PICALM: variants seen among roughly 807,000 people sequenced by gnomAD.
PICALM encodes the protein phosphatidylinositol-binding clathrin assembly protein.
In PICALM, 40 loss-of-function variants were observed where a neutral mutation model predicts 80.5. The ratio of observed to expected loss-of-function variants is 0.50; its 90% CI spans 0.39 to 0.65. The LOEUF is 0.65. Among genes scored for constraint, PICALM ranks in the 30% least tolerant of loss-of-function variants. The probability of loss-of-function intolerance (pLI) is 0.00; values close to 1 mark genes in which losing one functional copy is unlikely to be tolerated. For synonymous variants in PICALM, 288 were observed against 260.3 expected, an observed-to-expected ratio of 1.11 and a Z score of -1.02; for missense variants, 676 against 778.9, an observed-to-expected ratio of 0.87 and a Z score of 1.57.
At chr11:85,988,210 C>G (rs1302262591) in intron 13 of PICALM, among the ~76,000 whole-genome samples, 3 of 152,160 alleles carry the variant, frequency 2.0e-5, no homozygotes, top group Non-Finnish European at 4.4e-5. Flanking sequence ...TAATACAAAA[C>G]TTCAGATTCC....
chr11:86,001,044 T>C lies in PICALM; in HGVS notation c.1008A>G (p.Lys336=). The C allele has an allele frequency of 6.2e-7, 1 of 1,614,086 alleles. No individual in the cohort carries two copies. Among genetic ancestry groups the C allele is most frequent in the Non-Finnish European group, 8.5e-7 (1 of 1,179,952 alleles). Residue 336 remains lysine, a synonymous_variant, in exon 10 of 20, where the codon AAA becomes AAG. Transcript: ENST00000393346. The part of the protein sequence containing the change: ...AALEEEQARL[K]ALKEQRLKEL... ...GAATGCACAAACTTACCTTTAAAGC[T>C]TTCAAACGTGCCTGTTCTTCCTCTA...
rs192915712 is a variant in PICALM at position 86,059,417 on chromosome 11, T to C, written c.130+9234A>G. Among the ~76,000 whole-genome samples, 16 of 152,354 alleles carry C rather than the reference T, an allele frequency of 1.1e-4. No individual in the cohort carries two copies. The East Asian group carries it at 1.7e-3, about 17-fold the overall frequency. ...ACTCTATAAATGGTGAGAATAATGCTGGACTGACAGGACCAGGGGGAGTTA... is the reference window on the plus strand; with the variant it reads ...ACTCTATAAATGGTGAGAATAATGCCGGACTGACAGGACCAGGGGGAGTTA... On this transcript the variant is annotated intron_variant, in intron 1 of 19. Coordinates refer to ENST00000393346, the MANE Select transcript of PICALM (RefSeq NM_007166.4).
chr11:86,045,519 C>CAAAAAA (rs71040207), intron 1 of PICALM, among the ~76,000 whole-genome samples: 1,214 of 47,800 alleles, frequency 0.025, 138 homozygotes, highest in Non-Finnish European at 0.041. Flanking sequence ...TCTTGAAATT[C>CAAAAAA]AAAAAAAAAA....
intron 8 of PICALM, among the ~76,000 whole-genome samples, chr11:86,006,010 A>G (rs1185342999): frequency 6.6e-6 from 1 of 152,228 alleles, no homozygotes; most frequent in African/African-American, 2.4e-5. Context: ...ACACAGATAC[A>G]TGATGACGGC....
At chr11:86,037,563 GTTTT>G (rs752079070) in intron 1 of PICALM, among the ~76,000 whole-genome samples, 1 of 144,566 alleles carries the variant, frequency 6.9e-6, no homozygotes, top group Non-Finnish European at 1.5e-5. Flanking sequence ...CAGCTCCCTA[GTTTT>G]TTTTTTTTTA....
intron 19 of PICALM, 71 bp from the exon 20 acceptor site, chr11:85,959,131 T>C (rs1403588107): frequency 4.6e-6 from 5 of 1,095,256 alleles, no homozygotes; most frequent in African/African-American, 1.6e-5. Context: ...AAATGCTTTG[T>C]GGTCTTTACC....
chr11:85,990,878 A>G (rs1163430028), intron 12 of PICALM, among the ~76,000 whole-genome samples: 2 of 152,198 alleles, frequency 1.3e-5, no homozygotes, highest in Non-Finnish European at 2.9e-5. Context: ...TAATTCCTGC[A>G]TAGATTCAAA....
intron 1 of PICALM, among the ~76,000 whole-genome samples, chr11:86,045,519 C>CAAAAAAAAAAAAAAAA (rs71040207): frequency 6.3e-5 from 3 of 47,802 alleles, no homozygotes; most frequent in Non-Finnish European, 8.9e-5. Flanking sequence ...TCTTGAAATT[C>CAAAAAAAAAAAAAAAA]AAAAAAAAAA....
intron 17 of PICALM, among the ~76,000 whole-genome samples, chr11:85,979,959 C>T (rs1341780601): frequency 6.6e-6 from 1 of 152,132 alleles, no homozygotes; most frequent in African/African-American, 2.4e-5. Flanking sequence ...GTCTACCATA[C>T]CTTACAGTAA....
chr11:85,967,890 C>T (rs1169910002), intron 19 of PICALM, among the ~76,000 whole-genome samples: 1 of 152,200 alleles, frequency 6.6e-6, no homozygotes, highest in Admixed American at 6.5e-5. Flanking sequence ...GCCATCATTT[C>T]CTTTCAGACA....
chr11:85,971,902 C>T (rs1475362882), intron 19 of PICALM, among the ~76,000 whole-genome samples: 1 of 152,104 alleles, frequency 6.6e-6, no homozygotes, highest in Non-Finnish European at 1.5e-5. Context: ...CCCACCTCAG[C>T]CTCCCAAGTA....
rs1299556182 is a variant in PICALM at position 86,022,942 on chromosome 11, T to C, written c.350-473A>G. On this transcript the variant is annotated intron_variant, in intron 3 of 19. Transcript: ENST00000393346. The stretch of plus-strand genomic sequence containing the variant: ...CAACCTTATAAAAAGTATAAAAAAT[T>C]ACTGTGTAATATAAGAAATGGCAAC... 5.9e-5 allele frequency among the ~76,000 whole-genome samples: 9 copies of C among 152,270 alleles called. No homozygotes were observed. The South Asian group carries it at 6.2e-4, about 11-fold the overall frequency.
At chr11:85,963,787 T>C (rs905660882) in intron 19 of PICALM, among the ~76,000 whole-genome samples, 3 of 152,144 alleles carry the variant, frequency 2.0e-5, no homozygotes, top group Non-Finnish European at 4.4e-5. Context: ...AACAGTGTCT[T>C]GTTCTGTCAC....
chr11:86,012,897 C>T (rs191227190), intron 5 of PICALM, among the ~76,000 whole-genome samples: 2 of 151,544 alleles, frequency 1.3e-5, no homozygotes, highest in Non-Finnish European at 2.9e-5. Context: ...TGGATAATAA[C>T]GTGAAAAGAA....
At position 85,971,709 on chromosome 11, in the gene PICALM, C is replaced by T. The variant is rs1033835759; in HGVS notation, c.1944+2999G>A. 4.7e-5 allele frequency among the ~76,000 whole-genome samples: 7 copies of T among 149,940 alleles called. No homozygotes were observed. The Admixed American group carries it at 4.7e-4, about 10-fold the overall frequency. On this transcript the variant is annotated intron_variant, in intron 19 of 19. Coordinates refer to ENST00000393346, the MANE Select transcript of PICALM (RefSeq NM_007166.4). ...CGAGATCGCACCACTGTACTCGAGT[C>T]TGGGTGACAGAGCAAGACCCTGTCT... is the stretch of plus-strand genomic sequence containing the variant.
intron 13 of PICALM, among the ~76,000 whole-genome samples, chr11:85,986,013 T>C (rs990110536): frequency 6.6e-6 from 1 of 152,160 alleles, no homozygotes; most frequent in African/African-American, 2.4e-5. Flanking sequence ...GAGGTACCAA[T>C]CTGTGAAATT....
chr11:85,975,846 C>T (rs1043223578), intron 18 of PICALM, among the ~76,000 whole-genome samples: 1 of 152,146 alleles, frequency 6.6e-6, no homozygotes, highest in African/African-American at 2.4e-5. Flanking sequence ...ATCCACCCAC[C>T]TTGGCCTCCC....
chr11:85,960,675 C>G, intron 19 of PICALM: 1 of 1,270,732 alleles, frequency 7.9e-7, no homozygotes, highest in Non-Finnish European at 1.0e-6. Flanking sequence ...GTAGCAATAC[C>G]TAAAGTGATT....
intron 17 of PICALM, among the ~76,000 whole-genome samples, chr11:85,980,154 T>A (rs2094398669): frequency 6.6e-6 from 1 of 152,132 alleles, no homozygotes; most frequent in Admixed American, 6.5e-5. Context: ...GGGGCAAAAA[T>A]TTGACTCATC....
Sources: allele counts gnomAD v4.1 joint callset (sites outside exome capture counted in the v4.1 genomes callset), GRCh38; gene constraint gnomAD v4.1.1; transcripts MANE v1.5; gene names NCBI Gene and HGNC (gene_info 2026-07-23, HGNC 2026-07-21).